The following EBF4 variants were observed in gnomAD, a reference collection of about 807,000 sequenced individuals.
EBF4 encodes transcription factor COE4.
In EBF4, 34 loss-of-function variants were observed where a neutral mutation model predicts 67.1. The ratio of observed to expected loss-of-function variants is 0.51; its 90% CI spans 0.39 to 0.67. EBF4 has a LOEUF of 0.67. Ranked by LOEUF, EBF4 falls within the 30% of genes least tolerant of loss-of-function variation. The pLI is 0.00. For synonymous variants in EBF4, 387 were observed against 377.7 expected (o/e 1.02, Z -0.29); for missense variants, 837 against 873.3 (o/e 0.96, Z 0.52).
intron 6 of EBF4, among the ~76,000 whole-genome samples, chr20:2,737,020 T>C (rs2064387): frequency 0.47 from 71,290 of 151,562 alleles, 18,113 homozygotes; most frequent in East Asian, 0.83. Context: ...GAGGCCAAGG[T>C]GGGCAGATCA....
chr20:2,748,816 G>C (rs1215822742), intron 7 of EBF4, among the ~76,000 whole-genome samples, 186 bp downstream of exon 7: 1 of 152,226 alleles, frequency 6.6e-6, no homozygotes, highest in Non-Finnish European at 1.5e-5. Flanking sequence ...TTCTCAACTT[G>C]TGCTGGCTGC....
chr20:2,737,950 G>A (rs1216746134), intron 6 of EBF4, among the ~76,000 whole-genome samples: 1 of 147,654 alleles, frequency 6.8e-6, no homozygotes, highest in Non-Finnish European at 1.5e-5. Context: ...GGGCAACAGA[G>A]CGAGACTCCA....
At chr20:2,710,752 T>C (rs1195616286) in intron 6 of EBF4, among the ~76,000 whole-genome samples, 1 of 152,164 alleles carries the variant, frequency 6.6e-6, no homozygotes, top group African/African-American at 2.4e-5. Context: ...CTACCACTAT[T>C]AGCAGTTTCT....
At chr20:2,749,558 G>T (rs1256121942) in intron 8 of EBF4, 40 bp downstream of exon 8, 1 of 1,538,464 alleles carries the variant, frequency 6.5e-7, no homozygotes, top group East Asian at 2.5e-5. Flanking sequence ...CGCGGGCCCA[G>T]CCAGCCCCCC....
In EBF4 at chr20:2,755,723, T is replaced by C. The variant is rs1227332736; in HGVS notation, c.1637T>C (p.Met546Thr). ...GTGTTCTCCTTCTCGCCTGTCAACATGATCTCCGCCGTCAAACAGAGGAGC... is the reference window on the plus strand; with the variant it reads ...GTGTTCTCCTTCTCGCCTGTCAACACGATCTCCGCCGTCAAACAGAGGAGC... The change falls in exon 15 of 17, where the codon ATG becomes ACG. Residue 546 changes from methionine (M) to threonine (T), a missense_variant. By Grantham distance (81) the Met-to-Thr change is moderately conservative. Coordinates refer to ENST00000609451, the Ensembl canonical transcript of EBF4. This position sits in a 1 kb window ranked among gnomAD's most constrained non-coding sequence, Gnocchi z 4.7. 3.2e-6 allele frequency: 5 copies of C among 1,540,850 alleles called. No homozygotes were observed. The highest frequency in any genetic ancestry group is 3.4e-4 in the Middle Eastern group (2 of 5,936).
rs2088227168 is a variant in EBF4, at chr20:2,755,468, G to C, written c.1541-159G>C. On this transcript the variant is annotated intron_variant, in intron 14 of 16. Coordinates refer to ENST00000609451, the Ensembl canonical transcript of EBF4. This position sits in a 1 kb window ranked among gnomAD's most constrained non-coding sequence, Gnocchi z 4.7. ...CAGAACCGCTGAGAGGTCAGGGCTGGCCCAGGACCCTCACAGCTCCCAGTG... is the reference window on the plus strand; with the variant it reads ...CAGAACCGCTGAGAGGTCAGGGCTGCCCCAGGACCCTCACAGCTCCCAGTG... 1 of 613,558 alleles carries C rather than the reference G, an allele frequency of 1.6e-6. No individual in the cohort carries two copies. Among genetic ancestry groups the C allele is most frequent in the Admixed American group, 2.7e-5 (1 of 37,540 alleles). 38.0% of individuals were successfully genotyped at this position (613,558 alleles called of 1,614,324 possible).
chr20:2,693,611 G>T lies in EBF4; in HGVS notation c.-35G>T. ...CCGCAGCCTCAGCGGGACCGGATCC[G>T]GGGCGGCGGGGGCGCTCACTCACCG... On this transcript the variant is annotated 5_prime_UTR_variant, in exon 1 of 17. Transcript: ENST00000609451. The surrounding 1 kb of genome is among the most constrained non-coding windows in gnomAD (Gnocchi z 4.6). The T allele has an allele frequency of 7.4e-7, 1 of 1,357,554 alleles. No individual in the cohort carries two copies. Among genetic ancestry groups the T allele is most frequent in the Non-Finnish European group, 9.4e-7 (1 of 1,059,250 alleles). 84.1% of individuals were successfully genotyped at this position (1,357,554 alleles called of 1,614,324 possible).
In EBF4 at chr20:2,748,648, G is replaced by T. The variant is rs1456119063; in HGVS notation, c.639+18G>T. 2 of 1,548,434 alleles carry T rather than the reference G, an allele frequency of 1.3e-6. No individual in the cohort carries two copies. Among genetic ancestry groups the T allele is most frequent in the South Asian group, 2.4e-5 (2 of 83,974 alleles). On this transcript the variant is annotated intron_variant, in intron 7 of 16. Coordinates refer to ENST00000609451, the Ensembl canonical transcript of EBF4. ...GCTTCCAGGTGGGTCTGGAGAGAGGGTTTCCCCTTGCAACCCCACCCTTTC... is the reference window on the plus strand; with the variant it reads ...GCTTCCAGGTGGGTCTGGAGAGAGGTTTTCCCCTTGCAACCCCACCCTTTC...
Position 2,744,084 on chromosome 20 carries a change from A to ATT in EBF4, c.558-4453_558-4452dup, listed in dbSNP as rs11426724. 8.1e-3 allele frequency among the ~76,000 whole-genome samples: 936 copies of ATT among 115,022 alleles called. 3 individuals are homozygous for ATT. Among genetic ancestry groups the ATT allele is most frequent in the Admixed American group, 0.013 (169 of 12,560 alleles). The allele number at this position is 115,022 out of a possible 152,430, so 75.5% of individuals were successfully genotyped here. ...ATCAAAGTTTTTATTTATTTTTTTT[A>ATT]TTTTTTTTTTTTTGAGACGAAGTCT... On this transcript the variant is annotated intron_variant, in intron 6 of 16. Transcript: ENST00000609451.
chr20:2,719,539 C>G (rs535970775), intron 6 of EBF4, among the ~76,000 whole-genome samples: 23 of 152,280 alleles, frequency 1.5e-4, no homozygotes, highest in Non-Finnish European at 3.4e-4. Context: ...TCCCAAAGTG[C>G]TGGGATTACA....
At chr20:2,725,821 C>T (rs1359579469) in intron 6 of EBF4, among the ~76,000 whole-genome samples, 1 of 152,184 alleles carries the variant, frequency 6.6e-6, no homozygotes, top group Non-Finnish European at 1.5e-5. Context: ...TTGGCATTTG[C>T]CACAAGTACA....
Position 2,696,408 on chromosome 20 carries a change from G to A in EBF4, c.137+2626G>A, listed in dbSNP as rs1332559637. The stretch of plus-strand genomic sequence containing the variant: ...GATTGCTTGAGCCCGGGAGGCAGAG[G>A]CTTCGGTGAGCCAAGATCGCACCAC... On this transcript the variant is annotated intron_variant, in intron 1 of 16. Coordinates refer to ENST00000609451, the Ensembl canonical transcript of EBF4. The surrounding 1 kb of genome is among the most constrained non-coding windows in gnomAD (Gnocchi z 4.7). Among the ~76,000 whole-genome samples, 2 of 152,090 alleles carry A rather than the reference G, an allele frequency of 1.3e-5. No homozygotes were observed. Among genetic ancestry groups the A allele is most frequent in the Admixed American group, 6.6e-5 (1 of 15,260 alleles).
At chr20:2,722,535 C>T (rs1463160438) in intron 6 of EBF4, among the ~76,000 whole-genome samples, 2 of 152,190 alleles carry the variant, frequency 1.3e-5, no homozygotes, top group Non-Finnish European at 2.9e-5. Flanking sequence ...GTCTCCTCTC[C>T]AAGAAATCTA....
chr20:2,729,529 G>A (rs762401792), intron 6 of EBF4, among the ~76,000 whole-genome samples: 1 of 152,138 alleles, frequency 6.6e-6, no homozygotes, highest in South Asian at 2.1e-4. Context: ...CTACTAGGCC[G>A]AAGTGAGACA....
At chr20:2,711,305 T>G (rs1475336235) in intron 6 of EBF4, among the ~76,000 whole-genome samples, 1 of 152,212 alleles carries the variant, frequency 6.6e-6, no homozygotes, top group Non-Finnish European at 1.5e-5. Context: ...TTTTTGCCAC[T>G]GCAAAATATT....
chr20:2,706,903 C>T (rs963686867), intron 4 of EBF4, among the ~76,000 whole-genome samples: 2 of 152,148 alleles, frequency 1.3e-5, no homozygotes, highest in African/African-American at 4.8e-5. Context: ...GTGACGGTTA[C>T]GGGAAGGAGG....
downstream of EBF4, chr20:2,760,012 G>A (rs1307480036): frequency 3.9e-5 from 6 of 152,314 alleles, no homozygotes; most frequent in Non-Finnish European, 8.8e-5. This position sits in a 1 kb window ranked among gnomAD's most constrained non-coding sequence, Gnocchi z 4.2. Context: ...CCCCCCAGGT[G>A]GCCTCACATT....
chr20:2,749,273 C>T (rs2088099972), intron 7 of EBF4, 128 bp from the exon 8 acceptor site: 7 of 678,156 alleles, frequency 1.0e-5, no homozygotes, highest in East Asian at 5.9e-5. Flanking sequence ...TTGAAGCCCT[C>T]CTCCTCCCAC....
intron 6 of EBF4, among the ~76,000 whole-genome samples, chr20:2,746,617 T>C (rs949974939): frequency 1.3e-5 from 2 of 152,172 alleles, no homozygotes; most frequent in African/African-American, 4.8e-5. Flanking sequence ...TCAGGACCTG[T>C]AACAAATTTT....
Sources: allele counts gnomAD v4.1 joint callset (sites outside exome capture counted in the v4.1 genomes callset), GRCh38; gene constraint gnomAD v4.1.1; non-coding constraint Gnocchi (gnomAD v3.1); transcripts MANE v1.5; gene names NCBI Gene and HGNC (gene_info 2026-07-23, HGNC 2026-07-21).